GSPT1: variants seen among roughly 807,000 people sequenced by gnomAD.
The protein encoded by GSPT1 is eukaryotic peptide chain release factor GTP-binding subunit ERF3A.
GSPT1 carries 20 observed loss-of-function variants against 72.5 expected under a neutral mutation model. That is an observed-to-expected ratio of 0.28 (90% CI 0.19 to 0.40). The LOEUF (loss-of-function observed/expected upper bound fraction) is 0.40, where lower values mean the gene tolerates loss of function less well. Among genes scored for constraint, GSPT1 ranks in the 10% least tolerant of loss-of-function variants. GSPT1 has a pLI of 1.00. For missense variants in GSPT1, 580 were observed against 811.9 expected, an observed-to-expected ratio of 0.71 and a Z score of 3.47; for synonymous variants, 334 against 293.5, an observed-to-expected ratio of 1.14 and a Z score of -1.41.
chr16:11,874,119 G>A (rs1295689792), intron 14 of GSPT1, among the ~76,000 whole-genome samples: 3 of 152,104 alleles, frequency 2.0e-5, no homozygotes, highest in Non-Finnish European at 4.4e-5. Flanking sequence ...GGTGGAGGTG[G>A]GAATAAGGGG....
intron 1 of GSPT1, among the ~76,000 whole-genome samples, chr16:11,903,460 A>T (rs1274840640): frequency 2.0e-5 from 3 of 152,206 alleles, no homozygotes; most frequent in Non-Finnish European, 4.4e-5. Context: ...GGTTGCAGTG[A>T]GCCGAGATTG....
At chr16:11,884,627 G>A (rs1343887890) in intron 10 of GSPT1, among the ~76,000 whole-genome samples, 4 of 152,078 alleles carry the variant, frequency 2.6e-5, no homozygotes, top group South Asian at 4.1e-4. Context: ...AGCTGGATGC[G>A]GTGGCACACG....
At chr16:11,898,754 A>ATTAG (rs1207323122) in intron 1 of GSPT1, among the ~76,000 whole-genome samples, 1 of 152,032 alleles carries the variant, frequency 6.6e-6, no homozygotes, top group Non-Finnish European at 1.5e-5. Flanking sequence ...CCAGCCTGTG[A>ATTAG]TTAGCCCTTT....
In GSPT1 at chr16:11,915,441, C is replaced by T. The variant is rs1162051451; in HGVS notation, c.280G>A (p.Ala94Thr). 2.0e-6 allele frequency: 3 copies of T among 1,528,772 alleles called. No homozygotes were observed. Among genetic ancestry groups the T allele is most frequent in the Admixed American group, 2.0e-5 (1 of 49,270 alleles). The allele number at this position is 1,528,772 out of a possible 1,614,324, so 94.7% of individuals were successfully genotyped here. ...EFVPSFLRGP[A>T]APPPPVGGAA... ...CCGCCAACTGGGGGTGGCGGCGCTG[C>T]CGGGCCCCGCAGGAAGGACGGCACG... The change falls in exon 1 of 15, where the codon GCA (alanine) becomes ACA (threonine). Residue 94 changes from alanine (A) to threonine (T), a missense_variant. Physicochemically the swap from Ala to Thr is moderately conservative, Grantham distance 58 (BLOSUM62 0). This residue lies in a region of GSPT1 where 327 missense variants were observed against 298.8 expected (regional missense o/e 1.09). Coordinates refer to ENST00000434724, the MANE Select transcript of GSPT1 (RefSeq NM_002094.4).
chr16:11,869,126 C>G lies in GSPT1; in HGVS notation c.*3993G>C, dbSNP rs1232137797. On this transcript the variant is annotated 3_prime_UTR_variant, in exon 15 of 15. Transcript: ENST00000434724. ...AAAAGTTGAACCAAATCTACCTGAA[C>G]TGAACTGATAGTAAACTGGGTCAAA... is the stretch of plus-strand genomic sequence containing the variant. 1 of 152,162 alleles carries G rather than the reference C, an allele frequency of 6.6e-6. No individual in the cohort carries two copies. The highest frequency in any genetic ancestry group is 1.5e-5 in the Non-Finnish European group (1 of 68,014). 9.4% of individuals were successfully genotyped at this position (152,162 alleles called of 1,614,324 possible).
At chr16:11,914,133 T>C (rs1430447189) in intron 1 of GSPT1, among the ~76,000 whole-genome samples, 1 of 152,228 alleles carries the variant, frequency 6.6e-6, no homozygotes, top group Non-Finnish European at 1.5e-5. Flanking sequence ...CCCACCCCAC[T>C]AACGTCCTGG....
At chr16:11,915,012 G>A in intron 1 of GSPT1, 7 of 1,289,836 alleles carry the variant, frequency 5.4e-6, no homozygotes, top group Non-Finnish European at 7.1e-6. Context: ...GGCTCCATCT[G>A]TCCTCATTCT....
In GSPT1 at chr16:11,868,396, A is replaced by G. The variant is rs2053942913; in HGVS notation, c.*4723T>C. On this transcript the variant is annotated 3_prime_UTR_variant, in exon 15 of 15. Transcript: ENST00000434724. ...TTTTTTTAAATGAGATCTAGGTATT[A>G]ACCTGCTGTCTAGCGAAAACTAGTC... The G allele has an allele frequency of 6.8e-6, 1 of 146,152 alleles. No individual in the cohort carries two copies. The highest frequency in any genetic ancestry group is 2.1e-4 in the South Asian group (1 of 4,680). The allele number at this position is 146,152 out of a possible 1,614,324, so 9.1% of individuals were successfully genotyped here.
chr16:11,879,009 G>A (rs1396480648), intron 11 of GSPT1, among the ~76,000 whole-genome samples: 1 of 150,986 alleles, frequency 6.6e-6, no homozygotes, highest in African/African-American at 2.4e-5. Flanking sequence ...CCAGGAGGCA[G>A]AGGATGCAGT....
chr16:11,875,232 GAAAGGA>G (rs930603655), intron 14 of GSPT1, among the ~76,000 whole-genome samples: 18 of 151,142 alleles, frequency 1.2e-4, no homozygotes, highest in African/African-American at 3.2e-4. Flanking sequence ...AAGGGAAAGG[GAAAGGA>G]AAAGGACAGG....
chr16:11,892,829 C>A (rs1202429306), intron 5 of GSPT1, among the ~76,000 whole-genome samples: 17 of 31,218 alleles, frequency 5.4e-4, no homozygotes, highest in South Asian at 1.0e-3. Context: ...GATTCTGTCT[C>A]AAAAAAAAAA....
rs753344170 is a variant in GSPT1 at position 11,877,631 on chromosome 16, G to A, written c.1429-51C>T. On this transcript the variant is annotated intron_variant, in intron 11 of 14. Transcript: ENST00000434724. The surrounding 1 kb of genome is among the most constrained non-coding windows in gnomAD (Gnocchi z 4.0). ...TTTTCTGACACATTCACTGCATTACGCAACATAAAATGATCTGAATGTCTG... is the reference window on the plus strand; with the variant it reads ...TTTTCTGACACATTCACTGCATTACACAACATAAAATGATCTGAATGTCTG... 2.5e-5 allele frequency: 29 copies of A among 1,142,432 alleles called. No homozygotes were observed. The highest frequency in any genetic ancestry group is 1.4e-4 in the South Asian group (9 of 62,484). The allele number at this position is 1,142,432 out of a possible 1,614,324, so 70.8% of individuals were successfully genotyped here. A position where few individuals can be genotyped will look rare whatever the true frequency, so the allele number is the denominator to read the frequency against.
chr16:11,907,028 T>TA (rs1037617421), intron 1 of GSPT1, among the ~76,000 whole-genome samples: 5 of 152,206 alleles, frequency 3.3e-5, no homozygotes, highest in African/African-American at 1.2e-4. Flanking sequence ...CCTAACACTC[T>TA]AAAAATAAAA....
intron 12 of GSPT1, among the ~76,000 whole-genome samples, chr16:11,876,963 A>T (rs2054056557): frequency 6.6e-6 from 1 of 152,234 alleles, no homozygotes; most frequent in Non-Finnish European, 1.5e-5. Flanking sequence ...AAAGAACTTT[A>T]AAAAATTCTG....
chr16:11,896,466 C>G (rs33636), intron 4 of GSPT1, 92 bp downstream of exon 4: 363,455 of 741,316 alleles, frequency 0.49, 97,091 homozygotes, highest in East Asian at 0.86. Flanking sequence ...CAATTAATTT[C>G]CTTCAGTTTC....
chr16:11,895,192 A>C (rs982062560), intron 4 of GSPT1: 2 of 437,264 alleles, frequency 4.6e-6, no homozygotes, highest in African/African-American at 4.0e-5. Flanking sequence ...GCACTTTGGG[A>C]GGCCAGCGAG....
intron 5 of GSPT1, among the ~76,000 whole-genome samples, chr16:11,892,359 T>C (rs1436048232): frequency 3.7e-5 from 5 of 135,940 alleles, no homozygotes; most frequent in Non-Finnish European, 8.0e-5. Flanking sequence ...AAACAAAAAA[T>C]CAGGCCAGGT....
At chr16:11,909,135 A>C (rs1472150246) in intron 1 of GSPT1, among the ~76,000 whole-genome samples, 1 of 151,922 alleles carries the variant, frequency 6.6e-6, no homozygotes, top group Non-Finnish European at 1.5e-5. Flanking sequence ...CCTAGTGGGA[A>C]TGTGGTTTGG....
chr16:11,891,249 TTA>T (rs1182836782), intron 5 of GSPT1, 110 bp from the exon 6 acceptor site: 3 of 511,874 alleles, frequency 5.9e-6, no homozygotes, highest in South Asian at 4.6e-5. Context: ...AATAGTTATT[TTA>T]TATGTGTGTG....
Sources: allele counts gnomAD v4.1 joint callset (sites outside exome capture counted in the v4.1 genomes callset), GRCh38; gene constraint gnomAD v4.1.1; regional missense constraint gnomAD v4.1.1; non-coding constraint Gnocchi (gnomAD v3.1); transcripts MANE v1.5; gene names NCBI Gene and HGNC (gene_info 2026-07-23, HGNC 2026-07-21).